The following ZMYND19 variants were observed in gnomAD, a reference collection of about 807,000 sequenced individuals.
ZMYND19 encodes the protein zinc finger MYND domain-containing protein 19.
Under a neutral mutation model 32.0 loss-of-function variants are expected in ZMYND19, and 17 were observed. The observed-to-expected ratio is 0.53, with a 90% CI of 0.36 to 0.80. The LOEUF is 0.80. Ranked by LOEUF, ZMYND19 falls within the 30% of genes least tolerant of loss-of-function variation. ZMYND19 has a pLI of 0.00. For missense variants in ZMYND19, 250 were observed against 293.6 expected (o/e 0.85, Z 1.09); for synonymous variants, 124 against 113.6 (o/e 1.09, Z -0.58).
At position 137,587,838 on chromosome 9, in the gene ZMYND19, G is replaced by C. The variant is rs374863292; in HGVS notation, c.112-15C>G. The C allele has an allele frequency of 8.7e-6, 14 of 1,612,000 alleles. No individual in the cohort carries two copies. The highest frequency in any genetic ancestry group is 1.3e-5 in the African/African-American group (1 of 74,908). Reference sequence around the variant, plus strand: ...TCCATTCGGGCCTGAGAAGGAACAAGGGAAAGAGCTGTTAAAAAACCTCCA... The same window carrying C: ...TCCATTCGGGCCTGAGAAGGAACAACGGAAAGAGCTGTTAAAAAACCTCCA... On this transcript the variant is annotated splice_polypyrimidine_tract_variant and intron_variant, in intron 2 of 5. Coordinates refer to ENST00000298585, the MANE Select transcript of ZMYND19 (RefSeq NM_138462.3).
At position 137,587,079 on chromosome 9, in the gene ZMYND19, C is replaced by A; in HGVS notation, c.247G>T (p.Gly83Cys). 1 of 1,608,496 alleles carries A rather than the reference C, an allele frequency of 6.2e-7. No individual in the cohort carries two copies. The part of the protein sequence containing the change: ...WERHRGGVAP[G>C]FQVVHLNAVT... The stretch of plus-strand genomic sequence containing the variant: ...GCGTTGAGGTGCACCACCTGGAAGC[C>A]CGGGGCCACGCCCCCCCGGTGCCGC... The change falls in exon 4 of 6, where the codon GGC (glycine) becomes TGC (cysteine). Residue 83 changes from glycine (G) to cysteine (C), a missense_variant. By Grantham distance (159) the Gly-to-Cys change is radical. Around this residue, in one of 2 missense-constraint regions of ZMYND19, gnomAD observed 212 missense variants for 218.8 expected, o/e 0.97. Transcript: ENST00000298585.
chr9:137,590,041 GCT>G lies in ZMYND19; in HGVS notation c.51+170_51+171del. ...CGTGCCCGCCGGCCTGCGAGAGGAA[GCT>G]GCACCCGCGCGGGGCCAGCAGCCGG... is the stretch of plus-strand genomic sequence containing the variant. On this transcript the variant is annotated intron_variant, in intron 1 of 5. Transcript: ENST00000298585. The surrounding 1 kb of genome is among the most constrained non-coding windows in gnomAD (Gnocchi z 4.2). 5.1e-6 allele frequency: 5 copies of G among 984,404 alleles called. No individual in the cohort carries two copies. The highest frequency in any genetic ancestry group is 6.0e-6 in the Non-Finnish European group (5 of 829,568). 61.0% of individuals were successfully genotyped at this position (984,404 alleles called of 1,614,324 possible).
chr9:137,586,952 C>A lies in ZMYND19; in HGVS notation c.359+15G>T. 1 of 1,611,502 alleles carries A rather than the reference C, an allele frequency of 6.2e-7. No homozygotes were observed. Among genetic ancestry groups the A allele is most frequent in the Non-Finnish European group, 8.5e-7 (1 of 1,179,902 alleles). Reference sequence around the variant, plus strand: ...GGCGCCTCTGCTGGCATCGCCAGGCCCTGAGAAGACCCACCTCTGCTTGCT... The same window carrying A: ...GGCGCCTCTGCTGGCATCGCCAGGCACTGAGAAGACCCACCTCTGCTTGCT... On this transcript the variant is annotated intron_variant, in intron 4 of 5. Transcript: ENST00000298585.
rs751107689 is a variant in ZMYND19 at position 137,588,644 on chromosome 9, G to A, written c.111+15C>T. The A allele has an allele frequency of 2.4e-5, 39 of 1,613,960 alleles. No individual in the cohort carries two copies. In the South Asian group the frequency reaches 3.3e-4, roughly 14 times the overall value. ...ACCACGAGCATCAGGGGAGGGAACAGCCATCCTTACTTACCTCAAAGGAGT... is the reference window on the plus strand; with the variant it reads ...ACCACGAGCATCAGGGGAGGGAACAACCATCCTTACTTACCTCAAAGGAGT... On this transcript the variant is annotated intron_variant, in intron 2 of 5. Coordinates refer to ENST00000298585, the MANE Select transcript of ZMYND19 (RefSeq NM_138462.3).
chr9:137,588,459 G>T (rs1437747477), intron 2 of ZMYND19, among the ~76,000 whole-genome samples, 200 bp downstream of exon 2: 1 of 152,138 alleles, frequency 6.6e-6, no homozygotes, highest in Non-Finnish European at 1.5e-5. Flanking sequence ...GGCCACAGTG[G>T]GCTCCAGTGG....
At chr9:137,586,788 G>A (rs775819054) in intron 4 of ZMYND19, among the ~76,000 whole-genome samples, 179 bp downstream of exon 4, 2 of 152,212 alleles carry the variant, frequency 1.3e-5, no homozygotes, top group African/African-American at 2.4e-5. Flanking sequence ...GATCCTTCCC[G>A]CTCCCATGAA....
At position 137,582,447 on chromosome 9, in the gene ZMYND19, G is replaced by A. The variant is rs917999002; in HGVS notation, c.*96C>T. On this transcript the variant is annotated 3_prime_UTR_variant, in exon 6 of 6. Coordinates refer to ENST00000298585, the MANE Select transcript of ZMYND19 (RefSeq NM_138462.3). ...CGGCAGCTGTCCTGGGCCCGCAGCT[G>A]GCTTTTTTGGCACCTCCAGGTTCAA... is the stretch of plus-strand genomic sequence containing the variant. 2.0e-6 allele frequency: 3 copies of A among 1,512,188 alleles called. No individual in the cohort carries two copies. Among genetic ancestry groups the A allele is most frequent in the African/African-American group, 2.8e-5 (2 of 72,444 alleles). 93.7% of individuals were successfully genotyped at this position (1,512,188 alleles called of 1,614,324 possible).
chr9:137,590,126 C>A lies in ZMYND19; in HGVS notation c.51+87G>T. On this transcript the variant is annotated intron_variant, in intron 1 of 5. Coordinates refer to ENST00000298585, the MANE Select transcript of ZMYND19 (RefSeq NM_138462.3). The surrounding 1 kb of genome is among the most constrained non-coding windows in gnomAD (Gnocchi z 4.2). Reference sequence around the variant, plus strand: ...CATCCCGGGCTCCGCGCCCCCGCCCCGGCCGCCGCCCGCACAACCGCCCCC... The same window carrying A: ...CATCCCGGGCTCCGCGCCCCCGCCCAGGCCGCCGCCCGCACAACCGCCCCC... 1.0e-6 allele frequency: 1 copy of A among 983,320 alleles called. No individual in the cohort carries two copies. The highest frequency in any genetic ancestry group is 4.6e-5 in the South Asian group (1 of 21,902). The allele number at this position is 983,320 out of a possible 1,614,324, so 60.9% of individuals were successfully genotyped here.
rs1564490816 is a variant in ZMYND19, at chr9:137,586,268, GAGAGAAGGAAGGAATCCTGAGGTGAGC to G, written c.359+672_359+698del. On this transcript the variant is annotated intron_variant, in intron 4 of 5. Transcript: ENST00000298585. ...GCACAGAAAAGAATCCTGAGGTGAG[GAGAGAAGGAAGGAATCCTGAGGTGAGC>G]AGAGAAGGAAGGAATCCTGAGGTGA... Among the ~76,000 whole-genome samples the G allele has an allele frequency of 3.0e-4, 45 of 149,708 alleles. 7 individuals carry two copies. Among genetic ancestry groups the G allele is most frequent in the East Asian group, 3.9e-4 (2 of 5,120 alleles).
intron 4 of ZMYND19, among the ~76,000 whole-genome samples, chr9:137,584,021 A>T (rs556634773): frequency 6.6e-6 from 1 of 152,232 alleles, no homozygotes; most frequent in East Asian, 1.9e-4. Flanking sequence ...GCACCCAGCC[A>T]GTCAACAAAG....
chr9:137,582,730 G>A (rs769694345), intron 5 of ZMYND19, 44 bp from the exon 6 acceptor site: 49 of 1,597,916 alleles, frequency 3.1e-5, no homozygotes, highest in Middle Eastern at 1.7e-4. Context: ...TGCCTGGGAC[G>A]CAGTGTGGGG....
intron 2 of ZMYND19, 86 bp downstream of exon 2, chr9:137,588,573 C>T: frequency 6.8e-7 from 1 of 1,463,574 alleles, no homozygotes; most frequent in Non-Finnish European, 9.5e-7. Flanking sequence ...CCTGCTCTTG[C>T]AGCACAGGGG....
chr9:137,585,552 A>C (rs1440663546), intron 4 of ZMYND19, among the ~76,000 whole-genome samples: 1 of 152,126 alleles, frequency 6.6e-6, no homozygotes, highest in Non-Finnish European at 1.5e-5. Flanking sequence ...GGAAAAAAAA[A>C]CACCAGCCCA....
At position 137,590,218 on chromosome 9, in the gene ZMYND19, C is replaced by T. The variant is rs1269149000; in HGVS notation, c.46G>A (p.Gly16Arg). Residue 16 changes from glycine to arginine, a missense_variant, in exon 1 of 6, where the codon GGG (glycine) becomes AGG (arginine). By Grantham distance (125) the Gly-to-Arg change is moderately radical (BLOSUM62 -2). Coordinates refer to ENST00000298585, the MANE Select transcript of ZMYND19 (RefSeq NM_138462.3). The surrounding 1 kb of genome is among the most constrained non-coding windows in gnomAD (Gnocchi z 4.2). ...LGIVRLGRVA[G>R]KTKYTLIDEQ... ...GCGGGCTCCGCGCCGCTCACCTTCC[C>T]GGCCACCCGGCCGAGCCGCACGATA... 1.8e-6 allele frequency: 2 copies of T among 1,133,882 alleles called. No individual in the cohort carries two copies. Among genetic ancestry groups the T allele is most frequent in the Non-Finnish European group, 2.2e-6 (2 of 911,416 alleles). The allele number at this position is 1,133,882 out of a possible 1,614,324, so 70.2% of individuals were successfully genotyped here.
At chr9:137,585,931 A>G (rs999593084) in intron 4 of ZMYND19, among the ~76,000 whole-genome samples, 1 of 152,236 alleles carries the variant, frequency 6.6e-6, no homozygotes, top group Admixed American at 6.5e-5. Context: ...ACGTGCCCAA[A>G]AGCCCCAGGG....
intron 5 of ZMYND19, 32 bp downstream of exon 5, chr9:137,582,951 C>T: frequency 1.9e-6 from 3 of 1,609,146 alleles, no homozygotes; most frequent in Non-Finnish European, 2.5e-6. Context: ...GGTAGAGGTG[C>T]CAGGGACGCG....
Position 137,590,267 on chromosome 9 carries a change from C to A in ZMYND19, c.-4G>T. 2 of 1,099,426 alleles carry A rather than the reference C, an allele frequency of 1.8e-6. No individual in the cohort carries two copies. The highest frequency in any genetic ancestry group is 1.1e-6 in the Non-Finnish European group (1 of 895,196). The allele number at this position is 1,099,426 out of a possible 1,614,324, so 68.1% of individuals were successfully genotyped here. ...TACCCAATTTGAAGTCGGTCATGGC[C>A]GGGCCTGCGCTCTCGGCCGGCAGCG... On this transcript the variant is annotated 5_prime_UTR_variant, in exon 1 of 6. Transcript: ENST00000298585. The surrounding 1 kb of genome is among the most constrained non-coding windows in gnomAD (Gnocchi z 4.2).
intron 2 of ZMYND19, among the ~76,000 whole-genome samples, chr9:137,588,358 CA>C (rs1184982549): frequency 1.3e-5 from 2 of 152,248 alleles, no homozygotes; most frequent in East Asian, 3.8e-4. Flanking sequence ...CCACGTGACA[CA>C]ATCACAAACA....
At chr9:137,585,256 C>G (rs1842191411) in intron 4 of ZMYND19, among the ~76,000 whole-genome samples, 1 of 151,600 alleles carries the variant, frequency 6.6e-6, no homozygotes, top group East Asian at 1.9e-4. Flanking sequence ...AATCCCACCT[C>G]TACTAAAAAT....
Sources: gnomAD v4.1 joint callset for allele counts (sites outside exome capture counted in the v4.1 genomes callset) on GRCh38, gnomAD v4.1.1 for gene constraint, gnomAD v4.1.1 regional missense constraint, Gnocchi (gnomAD v3.1) non-coding constraint, MANE v1.5 for transcripts, NCBI Gene and HGNC (gene_info 2026-07-23, HGNC 2026-07-21) for gene names.